MACF1: variants seen among roughly 807,000 people sequenced by gnomAD.
The protein encoded by MACF1 is microtubule-actin cross-linking factor 1.
Under a neutral mutation model 854.8 loss-of-function variants are expected in MACF1, and 193 were observed. The ratio of observed to expected loss-of-function variants is 0.23; its 90% confidence interval spans 0.20 to 0.25. The LOEUF is 0.25. Ranked by LOEUF, MACF1 falls within the 10% of genes least tolerant of loss-of-function variation. The pLI is 1.00. For synonymous variants in MACF1, 3,185 were observed against 3,226.7 expected, an observed-to-expected ratio of 0.99 and a Z score of 0.44; for missense variants, 7,722 against 8,929.1, an observed-to-expected ratio of 0.86 and a Z score of 5.45.
intron 1 of MACF1, among the ~76,000 whole-genome samples, chr1:39,230,600 T>A (rs1227996555): frequency 6.7e-6 from 1 of 148,424 alleles, no homozygotes; most frequent in African/African-American, 2.5e-5. Flanking sequence ...AAAAAAAACC[T>A]GGAGAAAAAA....
In MACF1 at chr1:39,336,663, G is replaced by A. The variant is rs770077829; in HGVS notation, c.10065+10G>A. On this transcript the variant is annotated intron_variant, in intron 37 of 100. Coordinates refer to ENST00000564288, the MANE Select transcript of MACF1 (RefSeq NM_001394062.1). ...CTTCAGAGCAACTCAGGTCAGTGGT[G>A]TGCTTTTTTTTTTTTCTTCCTAAAG... 3.9e-6 allele frequency: 6 copies of A among 1,553,916 alleles called. No individual in the cohort carries two copies. In the East Asian group the frequency reaches 6.8e-5, roughly 17 times the overall value.
At chr1:39,452,570 T>C (rs1249333628) in intron 86 of MACF1, 114 bp from the exon 87 acceptor site, 3 of 1,377,464 alleles carry the variant, frequency 2.2e-6, no homozygotes, top group Non-Finnish European at 3.0e-6. Context: ...TTGTGGAGTT[T>C]TGATGAGGCC....
chr1:39,453,666 T>A (rs774994551), intron 87 of MACF1, 41 bp from the exon 88 acceptor site: 6 of 1,595,122 alleles, frequency 3.8e-6, no homozygotes, highest in Admixed American at 1.7e-5. Context: ...GCTGCTAATG[T>A]AGACTTTTTA....
upstream of MACF1, among the ~76,000 whole-genome samples, chr1:39,200,296 C>A (rs1477437620): frequency 6.6e-6 from 1 of 152,168 alleles, no homozygotes; most frequent in Non-Finnish European, 1.5e-5. Flanking sequence ...TTTGGTTGTT[C>A]TTGCTCTTCC....
chr1:39,331,637 A>G lies in MACF1; in HGVS notation c.5049A>G (p.Ala1683=), dbSNP rs1646727662. 10 of 1,614,194 alleles carry G rather than the reference A, an allele frequency of 6.2e-6. No individual in the cohort carries two copies. Among genetic ancestry groups the G allele is most frequent in the South Asian group, 1.1e-5 (1 of 91,086 alleles). The change falls in exon 37 of 101, where the codon GCA becomes GCG. Residue 1683 remains alanine, a synonymous_variant. Transcript: ENST00000564288. ...CTTTTCATCAAGGCCTCATTTCTGC[A>G]TGGCTTCATTCAGTATTAGAGTCTT... ...EEAFHQGLIS[A]WLHSVLESYL... is the part of the protein sequence containing the mutation.
intron 58 of MACF1, among the ~76,000 whole-genome samples, chr1:39,394,149 A>T (rs753421745): frequency 3.9e-5 from 6 of 152,210 alleles, no homozygotes; most frequent in Non-Finnish European, 7.3e-5. Flanking sequence ...AGAGCCCAGG[A>T]TCAGGGTCTC....
At chr1:39,236,855 G>A (rs1644865028) in intron 2 of MACF1, among the ~76,000 whole-genome samples, 1 of 151,986 alleles carries the variant, frequency 6.6e-6, no homozygotes, top group Admixed American at 6.6e-5. Context: ...TAGAGACAGG[G>A]TTATACCATA....
chr1:39,384,582 A>C (rs1236094983), intron 56 of MACF1, among the ~76,000 whole-genome samples: 1 of 152,220 alleles, frequency 6.6e-6, no homozygotes. Flanking sequence ...TTTTTTGATG[A>C]AAGCAGCAAG....
chr1:39,208,247 T>G (rs1489782436), intron 1 of MACF1, among the ~76,000 whole-genome samples: 1 of 151,648 alleles, frequency 6.6e-6, no homozygotes, highest in East Asian at 1.9e-4. Flanking sequence ...CATCCAGGAC[T>G]CCAGCATCTT....
Position 39,214,811 on chromosome 1 carries a change from CA to C in MACF1, c.109+9681del, listed in dbSNP as rs548224312. Among the ~76,000 whole-genome samples the C allele has an allele frequency of 2.0e-3, 302 of 152,282 alleles. 2 individuals are homozygous for C. The highest frequency in any genetic ancestry group is 7.0e-3 in the African/African-American group (292 of 41,560). On this transcript the variant is annotated intron_variant, in intron 1 of 100. Transcript: ENST00000564288. ...AGTCTCTCCCATCATGAGACCTTCT[CA>C]TTTGGTTAACACTATATGTACTTCT...
At chr1:39,411,109 G>A in intron 58 of MACF1, 1 of 1,613,582 alleles carries the variant, frequency 6.2e-7, no homozygotes, top group Non-Finnish European at 8.5e-7. Flanking sequence ...TGGGGACACA[G>A]CCTGCACTGT....
At chr1:39,362,053 A>G (rs1648231949) in intron 49 of MACF1, among the ~76,000 whole-genome samples, 1 of 152,090 alleles carries the variant, frequency 6.6e-6, no homozygotes. Context: ...CCACAAAACC[A>G]CCTATACCTT....
At position 39,429,940 on chromosome 1, in the gene MACF1, G is replaced by A. The variant is rs1487166585; in HGVS notation, c.17002G>A (p.Ala5668Thr). The change falls in exon 65 of 101, where the codon GCC (alanine) becomes ACC (threonine). Residue 5668 changes from alanine to threonine, a missense_variant. Transcript: ENST00000564288. Reference protein sequence around the residue: ...LRTLEQARQLATKFQSTYEEL... With the variant: ...LRTLEQARQLTTKFQSTYEEL... Reference sequence around the variant, plus strand: ...AACTTTAGAGCAAGCCCGGCAGCTGGCCACCAAGTTCCAGTCTACTTATGA... The same window carrying A: ...AACTTTAGAGCAAGCCCGGCAGCTGACCACCAAGTTCCAGTCTACTTATGA... 2 of 1,614,076 alleles carry A rather than the reference G, an allele frequency of 1.2e-6. No individual in the cohort carries two copies. Among genetic ancestry groups the A allele is most frequent in the South Asian group, 1.1e-5 (1 of 91,066 alleles).
intron 2 of MACF1, among the ~76,000 whole-genome samples, chr1:39,110,537 C>T (rs1208355197): frequency 1.3e-5 from 2 of 152,120 alleles, no homozygotes; most frequent in East Asian, 1.9e-4. Flanking sequence ...CGTGCCTGGC[C>T]TACACTCAGT....
chr1:39,208,671 C>T (rs1262529945), intron 1 of MACF1, among the ~76,000 whole-genome samples: 1 of 152,108 alleles, frequency 6.6e-6, no homozygotes, highest in East Asian at 1.9e-4. Flanking sequence ...GTCGCCCAGG[C>T]TGGCGTGCAG....
intron 58 of MACF1, among the ~76,000 whole-genome samples, chr1:39,393,196 A>AAAAAAAAAATATATATATATATATAT (rs57576149): frequency 1.5e-5 from 1 of 66,564 alleles, no homozygotes; most frequent in Non-Finnish European, 2.6e-5. Flanking sequence ...AAAAAAAAAA[A>AAAAAAAAAATATATATATATATATAT]ATATATATAT....
chr1:39,314,569 T>TCTCACACACA lies in MACF1; in HGVS notation c.3271-943_3271-942insTCACACACAC, dbSNP rs1379643806. Reference sequence around the variant, plus strand: ...CTCTTTCTCTCTCTCTCTCTCTCTCTCACACACACACACACACACACACAC... The same window carrying TCTCACACACA: ...CTCTTTCTCTCTCTCTCTCTCTCTCTCTCACACACACACACACACACACACACACACACAC... On this transcript the variant is annotated intron_variant, in intron 26 of 100. Coordinates refer to ENST00000564288, the MANE Select transcript of MACF1 (RefSeq NM_001394062.1). 6.4e-3 allele frequency among the ~76,000 whole-genome samples: 419 copies of TCTCACACACA among 65,342 alleles called. 1 individual carries two copies. The highest frequency in any genetic ancestry group is 0.013 in the Non-Finnish European group (365 of 28,862). 42.9% of individuals were successfully genotyped at this position (65,342 alleles called of 152,430 possible).
chr1:39,340,140 G>T (rs192155314), intron 38 of MACF1, among the ~76,000 whole-genome samples: 1 of 152,282 alleles, frequency 6.6e-6, no homozygotes, highest in East Asian at 1.9e-4. Context: ...TTGGGGAAAG[G>T]CATAATGACA....
chr1:39,212,679 G>T (rs941638897), intron 1 of MACF1, among the ~76,000 whole-genome samples: 4 of 152,206 alleles, frequency 2.6e-5, no homozygotes, highest in African/African-American at 9.6e-5. Flanking sequence ...CTGGAGTGCA[G>T]TGGCGCAATC....
Sources: gnomAD v4.1 joint callset for allele counts (sites outside exome capture counted in the v4.1 genomes callset) on GRCh38, gnomAD v4.1.1 for gene constraint, MANE v1.5 for transcripts, NCBI Gene and HGNC (gene_info 2026-07-23, HGNC 2026-07-21) for gene names.